The following MIER2 variants were observed in gnomAD, a reference collection of about 807,000 sequenced individuals.
MIER2 encodes the protein MIER family member 2, also known as mesoderm induction early response protein 2.
MIER2 carries 30 observed loss-of-function variants against 67.6 expected under a neutral mutation model. The observed-to-expected ratio is 0.44, with a 90% CI of 0.33 to 0.60. The LOEUF (loss-of-function observed/expected upper bound fraction) is 0.60. MIER2 is among the 20% of genes least tolerant of loss of function. MIER2 has a pLI of 0.02. For missense variants in MIER2, 702 were observed against 745.1 expected, an observed-to-expected ratio of 0.94 and a Z score of 0.67; for synonymous variants, 372 against 312.6, an observed-to-expected ratio of 1.19 and a Z score of -2.00.
chr19:315,830 CCA>C lies in MIER2; in HGVS notation c.656-2189_656-2188del, dbSNP rs567542604. On this transcript the variant is annotated intron_variant, in intron 7 of 13. Transcript: ENST00000264819. The stretch of plus-strand genomic sequence containing the variant: ...TTCAAAACTGACGACTGATACCAAC[CCA>C]CAGAGCCAGGAAACTCAGGACGAAT... Among the ~76,000 whole-genome samples the C allele has an allele frequency of 5.3e-5, 8 of 152,318 alleles. No individual in the cohort carries two copies. The South Asian group carries it at 1.7e-3, about 32-fold the overall frequency.
At chr19:310,823 G>GCCAGGAGTCCAGAAACACGGC (rs1970966379) in intron 10 of MIER2, among the ~76,000 whole-genome samples, 1 of 145,040 alleles carries the variant, frequency 6.9e-6, no homozygotes, top group African/African-American at 2.6e-5. Flanking sequence ...TAGAAACACG[G>GCCAGGAGTCCAGAAACACGGC]CCAGGAGTCC....
At chr19:325,758 G>T in intron 6 of MIER2, 54 bp from the exon 7 acceptor site, 1 of 1,600,516 alleles carries the variant, frequency 6.2e-7, no homozygotes, top group Non-Finnish European at 8.6e-7. Flanking sequence ...AGGCCGGGCG[G>T]GAGGCTGGCT....
At chr19:343,296 C>T (rs930510444) in intron 1 of MIER2, among the ~76,000 whole-genome samples, 2 of 152,188 alleles carry the variant, frequency 1.3e-5, no homozygotes, top group Non-Finnish European at 2.9e-5. Flanking sequence ...TGTCAGGCCA[C>T]GTGTGTTGCC....
At chr19:326,922 G>A (rs1971777891) in intron 5 of MIER2, 1 of 655,408 alleles carries the variant, frequency 1.5e-6, no homozygotes, top group African/African-American at 1.8e-5. Context: ...TTCCCTACTT[G>A]TTTAAACCAA....
intron 1 of MIER2, chr19:343,899 A>G: frequency 1.0e-6 from 1 of 985,430 alleles, no homozygotes; most frequent in South Asian, 4.7e-5. Context: ...AAAAAGCTTC[A>G]AAAGCGAAAG....
intron 7 of MIER2, among the ~76,000 whole-genome samples, chr19:323,272 A>G (rs1424568462): frequency 1.5e-5 from 2 of 135,942 alleles, no homozygotes; most frequent in Admixed American, 7.0e-5. Context: ...AGACACACAC[A>G]ACCACGGCAT....
Position 326,552 on chromosome 19 carries a change from G to C in MIER2, c.540C>G (p.Ser180=). Residue 180 remains serine (S), a synonymous_variant, in exon 6 of 14, where the codon TCC becomes TCG. Transcript: ENST00000264819. ...DEDREPGSSA[S]SDTEEDSLPA... is the part of the protein sequence containing the mutation. ...GAAGAGAGTCCTCCTCGGTGTCGGA[G>C]GAGGCAGAAGAGCCAGGCTCTCTGT... 6 of 1,614,130 alleles carry C rather than the reference G, an allele frequency of 3.7e-6. No individual in the cohort carries two copies. Among genetic ancestry groups the C allele is most frequent in the Non-Finnish European group, 5.1e-6 (6 of 1,179,974 alleles).
At chr19:313,384 C>G (rs913975949) in intron 8 of MIER2, 108 bp downstream of exon 8, 14 of 1,514,068 alleles carry the variant, frequency 9.2e-6, no homozygotes, top group Non-Finnish European at 1.2e-5. Context: ...ACACCTGACC[C>G]CTGCCCTCCC....
chr19:334,570 G>C (rs1972157779), intron 2 of MIER2, 28 bp from the exon 3 acceptor site: 1 of 1,609,026 alleles, frequency 6.2e-7, no homozygotes, highest in South Asian at 1.1e-5. Context: ...GCCCAGGTGA[G>C]CACCGTGCCT....
intron 7 of MIER2, among the ~76,000 whole-genome samples, chr19:317,262 G>A (rs879614284): frequency 1.5e-4 from 22 of 149,502 alleles, no homozygotes; most frequent in South Asian, 1.3e-3. Flanking sequence ...GCGCGGTGGC[G>A]GGCACCTGTA....
At chr19:315,210 C>A (rs977505495) in intron 7 of MIER2, among the ~76,000 whole-genome samples, 1 of 152,060 alleles carries the variant, frequency 6.6e-6, no homozygotes, top group Non-Finnish European at 1.5e-5. Flanking sequence ...ACTAAAAATA[C>A]AAAAATTAGC....
intron 10 of MIER2, among the ~76,000 whole-genome samples, chr19:309,674 A>ATG (rs1970840945): frequency 1.1e-4 from 11 of 97,920 alleles, no homozygotes; most frequent in African/African-American, 5.1e-4. Context: ...ACACACACAC[A>ATG]CACACAAGGC....
chr19:310,868 G>A (rs977680208), intron 10 of MIER2, among the ~76,000 whole-genome samples: 13 of 152,034 alleles, frequency 8.6e-5, no homozygotes, highest in African/African-American at 1.9e-4. Context: ...AACACGGCCC[G>A]GAGCTACAGA....
intron 7 of MIER2, among the ~76,000 whole-genome samples, chr19:316,918 G>A (rs961557852): frequency 6.0e-5 from 9 of 151,194 alleles, no homozygotes; most frequent in South Asian, 2.1e-4. Context: ...GCAATGAGCC[G>A]AGATCACACC....
chr19:325,507 C>T, intron 7 of MIER2, 128 bp downstream of exon 7: 2 of 1,071,174 alleles, frequency 1.9e-6, no homozygotes, highest in Non-Finnish European at 2.8e-6. Flanking sequence ...CCTCCAGCCA[C>T]AGGCTCAGCT....
chr19:324,661 GAC>G (rs1451725903), intron 7 of MIER2, among the ~76,000 whole-genome samples: 7 of 151,108 alleles, frequency 4.6e-5, no homozygotes, highest in Non-Finnish European at 1.0e-4. Context: ...CAATACACAG[GAC>G]ACACACAACC....
In MIER2 at chr19:308,959, C is replaced by T. The variant is rs763977821; in HGVS notation, c.985-34G>A. On this transcript the variant is annotated intron_variant, in intron 10 of 13. Transcript: ENST00000264819. This position sits in a 1 kb window ranked among gnomAD's most constrained non-coding sequence, Gnocchi z 9.1. ...AGGGGTCAGGAGCCATCTCTGTCCC[C>T]GGCTGCCCAGCCCCAGCACCTGCAC... The T allele has an allele frequency of 4.6e-5, 73 of 1,581,502 alleles. 1 individual carries two copies. The highest frequency in any genetic ancestry group is 2.8e-4 in the South Asian group (25 of 89,166).
intron 1 of MIER2, among the ~76,000 whole-genome samples, chr19:342,476 A>T (rs1453121323): frequency 6.6e-6 from 1 of 151,836 alleles, no homozygotes; most frequent in African/African-American, 2.4e-5. Flanking sequence ...TAGGGGGCAG[A>T]TCCGTGGGGA....
chr19:334,503 G>T lies in MIER2; in HGVS notation c.140C>A (p.Ala47Glu). 1 of 1,614,138 alleles carries T rather than the reference G, an allele frequency of 6.2e-7. No individual in the cohort carries two copies. The highest frequency in any genetic ancestry group is 8.5e-7 in the Non-Finnish European group (1 of 1,180,014). Residue 47 changes from alanine (A) to glutamate (E), a missense_variant, in exon 3 of 14, where the codon GCA (alanine) becomes GAA (glutamate). Transcript: ENST00000264819. The stretch of plus-strand genomic sequence containing the variant: ...ACTGTAGTTCTGTGACAGGATCTCT[G>T]CGAGGTTGAACTGATGGTCTCCAGA... ...MGSGDHQFNLAEILSQNYSVR... is the reference protein window; with the variant it reads ...MGSGDHQFNLEEILSQNYSVR...
Sources: gnomAD v4.1 joint callset for allele counts (sites outside exome capture counted in the v4.1 genomes callset) on GRCh38, gnomAD v4.1.1 for gene constraint, Gnocchi (gnomAD v3.1) non-coding constraint, MANE v1.5 for transcripts, NCBI Gene and HGNC (gene_info 2026-07-23, HGNC 2026-07-21) for gene names.